Variants in LANCL3 observed in about 807,000 individuals in gnomAD.
LANCL3 encodes lanC-like protein 3.
LANCL3 carries 19 observed loss-of-function variants against 26.5 expected under a neutral mutation model. The observed-to-expected ratio is 0.72, with a 90% CI of 0.50 to 1.05. The LOEUF is 1.05. Ranked by LOEUF, LANCL3 falls within the 50% of genes least tolerant of loss-of-function variation. The probability of loss-of-function intolerance (pLI) is 0.00; values close to 1 mark genes in which losing one functional copy is unlikely to be tolerated. For synonymous variants in LANCL3, 160 were observed against 166.6 expected, an observed-to-expected ratio of 0.96 and a Z score of 0.30; for missense variants, 318 against 362.7, an observed-to-expected ratio of 0.88 and a Z score of 1.00.
chrX:37,595,496 A>G (rs1286257308), intron 1 of LANCL3, among the ~76,000 whole-genome samples: 1 of 112,183 alleles, frequency 8.9e-6, no homozygotes, highest in Non-Finnish European at 1.9e-5. Flanking sequence ...TTCACATACA[A>G]TCTGCCTTTT....
At chrX:37,654,534 G>A (rs1417972317) in intron 1 of LANCL3, among the ~76,000 whole-genome samples, 1 of 112,125 alleles carries the variant, frequency 8.9e-6, no homozygotes, top group African/African-American at 3.2e-5. Context: ...GAGAGCACAG[G>A]TTCTGTCTAT....
rs782158928 is a variant in LANCL3, at chrX:37,572,322, G to C, written c.452G>C (p.Arg151Pro). 2.2e-5 allele frequency: 26 copies of C among 1,161,123 alleles called. No individual in the cohort carries two copies. Among genetic ancestry groups the C allele is most frequent in the Non-Finnish European group, 1.1e-6 (1 of 871,438 alleles). Residue 151 changes from arginine to proline, a missense_variant, in exon 1 of 5, where the codon CGG (arginine) becomes CCG (proline). Physicochemically the swap from Arg to Pro is moderately radical, Grantham distance 103 (BLOSUM62 -2). Transcript: ENST00000378619. The stretch of plus-strand genomic sequence containing the variant: ...TACGTGCAGCCGCTGGGCAAGTTCC[G>C]GGCTCTGTGTGCCGTCTGCGCGCCG... ...SDYVQPLGKF[R>P]ALCAVCAPVS... is the part of the protein sequence containing the mutation.
intron 1 of LANCL3, among the ~76,000 whole-genome samples, chrX:37,648,339 T>C (rs1926038230): frequency 8.9e-6 from 1 of 112,157 alleles, no homozygotes; most frequent in Non-Finnish European, 1.9e-5. Flanking sequence ...AGCCAGTGCT[T>C]CTCAAACTTT....
At chrX:37,616,447 C>G (rs1000810733) in intron 1 of LANCL3, among the ~76,000 whole-genome samples, 5 of 111,875 alleles carry the variant, frequency 4.5e-5, no homozygotes, top group African/African-American at 1.6e-4. Context: ...TAAAAAAGGA[C>G]TCTTGGCTGG....
intron 1 of LANCL3, among the ~76,000 whole-genome samples, chrX:37,582,105 A>G (rs1394834716): frequency 8.9e-6 from 1 of 111,786 alleles, no homozygotes; most frequent in East Asian, 2.8e-4. Context: ...TACAAAGGAA[A>G]TGAACTCATC....
chrX:37,668,444 C>A, intron 4 of LANCL3: 1 of 391,913 alleles, frequency 2.6e-6, no homozygotes, highest in Non-Finnish European at 4.6e-6. Flanking sequence ...GATATTACCT[C>A]TGACTGGTAA....
At chrX:37,674,162 A>T (rs1348381965) in intron 4 of LANCL3, among the ~76,000 whole-genome samples, 1 of 111,500 alleles carries the variant, frequency 9.0e-6, no homozygotes, top group Non-Finnish European at 1.9e-5. Flanking sequence ...AGGATTTGTG[A>T]GTTTGCTTGA....
intron 1 of LANCL3, among the ~76,000 whole-genome samples, chrX:37,639,798 G>A (rs1212236287): frequency 9.2e-6 from 1 of 108,157 alleles, no homozygotes; most frequent in Non-Finnish European, 1.9e-5. Context: ...TTCCCCCAAA[G>A]TCTTGGTCTA....
chrX:37,648,612 G>T (rs1301985698), intron 1 of LANCL3, among the ~76,000 whole-genome samples: 1 of 111,966 alleles, frequency 8.9e-6, no homozygotes, highest in African/African-American at 3.3e-5. Flanking sequence ...TTGACAAATG[G>T]GATCTAATTA....
rs782365751 is a variant in LANCL3 at position 37,571,896 on chromosome X, A to G, written c.26A>G (p.Asn9Ser). Residue 9 changes from asparagine to serine, a missense_variant, in exon 1 of 5, where the codon AAT becomes AGT. Physicochemically the swap from Asn to Ser is conservative, Grantham distance 46 (BLOSUM62 1). Coordinates refer to ENST00000378619, the MANE Select transcript of LANCL3 (RefSeq NM_001170331.2). MDTKRCFA[N>S]RFDDYQGSLL... is the part of the protein sequence containing the mutation. ...ATGGACACCAAGCGCTGCTTCGCCAATCGCTTCGATGACTACCAGGGCAGC... is the reference window on the plus strand; with the variant it reads ...ATGGACACCAAGCGCTGCTTCGCCAGTCGCTTCGATGACTACCAGGGCAGC... 8.3e-7 allele frequency: 1 copy of G among 1,206,610 alleles called. No individual in the cohort carries two copies.
At position 37,678,531 on chromosome X, in the gene LANCL3, T is replaced by C. The variant is rs782415095; in HGVS notation, c.*2718T>C. On this transcript the variant is annotated 3_prime_UTR_variant, in exon 5 of 5. Transcript: ENST00000378619. ...AATAGTCTCTCAATAATGGGGAGACTGCATTATGCTTTGATAGCAAGACAT... is the reference window on the plus strand; with the variant it reads ...AATAGTCTCTCAATAATGGGGAGACCGCATTATGCTTTGATAGCAAGACAT... 7.1e-5 allele frequency: 8 copies of C among 112,000 alleles called. No individual in the cohort carries two copies. Among genetic ancestry groups the C allele is most frequent in the Non-Finnish European group, 1.5e-4 (8 of 53,115 alleles). The allele number at this position is 112,000 out of a possible 1,213,427, so 9.2% of individuals were successfully genotyped here.
intron 1 of LANCL3, among the ~76,000 whole-genome samples, chrX:37,645,792 A>C (rs1229744102): frequency 8.9e-6 from 1 of 111,947 alleles, no homozygotes; most frequent in East Asian, 2.8e-4. Flanking sequence ...CCTCAGCATC[A>C]CTACTGTTGT....
At position 37,635,806 on chromosome X, in the gene LANCL3, AT is replaced by A. The variant is rs1184523632; in HGVS notation, c.574-19873del. 1.4e-3 allele frequency among the ~76,000 whole-genome samples: 149 copies of A among 109,342 alleles called. 1 individual carries two copies. The highest frequency in any genetic ancestry group is 2.6e-3 in the Non-Finnish European group (134 of 52,354). The allele number at this position is 109,342 out of a possible 115,157, so 95.0% of individuals were successfully genotyped here. ...TATGAATATGTATAGTTATTACTTAATTTTTTTTTAACTTTTAGCTTCAAGG... is the reference window on the plus strand; with the variant it reads ...TATGAATATGTATAGTTATTACTTAATTTTTTTTAACTTTTAGCTTCAAGG... On this transcript the variant is annotated intron_variant, in intron 1 of 4. Coordinates refer to ENST00000378619, the MANE Select transcript of LANCL3 (RefSeq NM_001170331.2).
intron 2 of LANCL3, 102 bp downstream of exon 2, chrX:37,655,913 G>T (rs5963876): frequency 0.21 from 145,842 of 683,310 alleles, 16,573 homozygotes; most frequent in African/African-American, 0.74. Context: ...GTCATTACTA[G>T]TCATTTAATA....
chrX:37,614,456 C>T (rs1316904703), intron 1 of LANCL3, among the ~76,000 whole-genome samples: 3 of 112,069 alleles, frequency 2.7e-5, no homozygotes, highest in Admixed American at 9.5e-5. Context: ...TTCTTTCCCC[C>T]GGCATCAGGC....
intron 1 of LANCL3, among the ~76,000 whole-genome samples, chrX:37,639,742 T>G (rs1452033244): frequency 9.0e-6 from 1 of 111,710 alleles, no homozygotes; most frequent in Admixed American, 9.5e-5. Context: ...GCATCACACG[T>G]GGAGCTTTTT....
chrX:37,628,331 C>T (rs1556423432), intron 1 of LANCL3, among the ~76,000 whole-genome samples: 1 of 110,905 alleles, frequency 9.0e-6, no homozygotes, highest in Admixed American at 9.6e-5. Flanking sequence ...AAATAAATTG[C>T]CTGTACTCTT....
chrX:37,659,373 T>C (rs782105261), intron 2 of LANCL3, 89 bp from the exon 3 acceptor site: 27 of 674,484 alleles, frequency 4.0e-5, no homozygotes, highest in Admixed American at 8.5e-5. Flanking sequence ...ATATTGGCTT[T>C]ATTGTTTTAT....
chrX:37,639,280 T>C (rs995199759), intron 1 of LANCL3, among the ~76,000 whole-genome samples: 9 of 102,847 alleles, frequency 8.8e-5, no homozygotes, highest in Admixed American at 4.2e-4. Flanking sequence ...TACATGTATA[T>C]ATGTGTGTGT....
Sources: allele counts gnomAD v4.1 joint callset (sites outside exome capture counted in the v4.1 genomes callset), GRCh38; gene constraint gnomAD v4.1.1; transcripts MANE v1.5; gene names NCBI Gene and HGNC (gene_info 2026-07-23, HGNC 2026-07-21).